The following ATM variants were observed in gnomAD, a reference collection of about 807,000 sequenced individuals.
ATM encodes ATM serine/threonine kinase.
A neutral mutation model predicts 387.0 loss-of-function variants in ATM; 308 were observed. The observed-to-expected ratio is 0.80, with a 90% CI of 0.73 to 0.87. The LOEUF is 0.87. ATM is among the 40% of genes least tolerant of loss of function. The pLI, the probability that ATM is intolerant of heterozygous loss-of-function variation, is 0.00. For synonymous variants in ATM, 1,156 were observed against 1,187.3 expected (o/e 0.97, Z 0.54); for missense variants, 3,312 against 3,560.9 (o/e 0.93, Z 1.78).
At chr11:108,322,591 T>G (rs968797156) in intron 45 of ATM, among the ~76,000 whole-genome samples, 2 of 152,230 alleles carry the variant, frequency 1.3e-5, no homozygotes, top group African/African-American at 4.8e-5. Context: ...CCAGGGATTT[T>G]GGAAGATGAA....
intron 33 of ATM, among the ~76,000 whole-genome samples, chr11:108,298,749 A>G (rs1591697747): frequency 6.6e-6 from 1 of 152,358 alleles, no homozygotes; most frequent in East Asian, 1.9e-4. Context: ...AAGTAAAACT[A>G]TCTGTATTTA....
At chr11:108,301,921 G>A in intron 35 of ATM, 132 bp downstream of exon 35, 1 of 1,040,654 alleles carries the variant, frequency 9.6e-7, no homozygotes, top group Non-Finnish European at 1.4e-6. Context: ...AGTAATTTAA[G>A]CCATATTTCA....
chr11:108,359,747 A>C (rs1045293123), intron 61 of ATM, among the ~76,000 whole-genome samples: 1 of 152,134 alleles, frequency 6.6e-6, no homozygotes, highest in African/African-American at 2.4e-5. Context: ...TTTGAAACCA[A>C]CGAGAACAAA....
chr11:108,316,753 CAAA>C lies in ATM; in HGVS notation c.6199-599_6199-597del, dbSNP rs58165074. ...TGAAACCCCGTCTCTACTAAAAATA[CAAA>C]AAAAAAAAAAAAAAAAAAAATTAGC... On this transcript the variant is annotated intron_variant, in intron 42 of 62. Coordinates refer to ENST00000675843, the MANE Select transcript of ATM (RefSeq NM_000051.4). Among the ~76,000 whole-genome samples, 3 of 72,424 alleles carry C rather than the reference CAAA, an allele frequency of 4.1e-5. No individual in the cohort carries two copies. The South Asian group carries it at 1.8e-3, about 43-fold the overall frequency. The allele number at this position is 72,424 out of a possible 152,430, so 47.5% of individuals were successfully genotyped here. A position where few individuals can be genotyped will look rare whatever the true frequency, so the allele number is the denominator to read the frequency against.
chr11:108,279,281 T>C (rs1362716709), intron 22 of ATM, among the ~76,000 whole-genome samples: 1 of 152,124 alleles, frequency 6.6e-6, no homozygotes, highest in Non-Finnish European at 1.5e-5. Flanking sequence ...TAGGAGAAAA[T>C]AGATTTTGTA....
chr11:108,286,836 TC>T (rs1332744925), intron 26 of ATM, among the ~76,000 whole-genome samples: 1 of 152,226 alleles, frequency 6.6e-6, no homozygotes. Flanking sequence ...TTTTTGAACT[TC>T]CTTATGCATT....
At chr11:108,296,954 C>G in intron 32 of ATM, 1 of 324,012 alleles carries the variant, frequency 3.1e-6, no homozygotes, top group East Asian at 7.9e-5. Context: ...GTTAAAAAGC[C>G]AAGCAGGCTC....
At position 108,339,976 on chromosome 11, in the gene ATM, G is replaced by A. The variant is rs564046867; in HGVS notation, c.8269-3246G>A. On this transcript the variant is annotated intron_variant, in intron 56 of 62. Coordinates refer to ENST00000675843, the MANE Select transcript of ATM (RefSeq NM_000051.4). The stretch of plus-strand genomic sequence containing the variant: ...AATGTGAATTTATATACCTACGTTG[G>A]GTTAGATACTCTACTGAGTGCTAGG... 6.6e-5 allele frequency among the ~76,000 whole-genome samples: 10 copies of A among 152,166 alleles called. No homozygotes were observed. The South Asian group carries it at 2.1e-3, about 32-fold the overall frequency.
At chr11:108,250,497 A>G (rs187987704) in intron 9 of ATM, among the ~76,000 whole-genome samples, 13 of 152,276 alleles carry the variant, frequency 8.5e-5, no homozygotes, top group Admixed American at 7.2e-4. Context: ...CAGCTTACCC[A>G]GCTAGCCAAA....
rs115650466 is a variant in ATM at position 108,269,114 on chromosome 11, C to T, written c.2838+505C>T. Reference sequence around the variant, plus strand: ...TCTCTGAACCATTTTGAGATGAAATCGCACACGTGATGCTCCTTATACTTC... The same window carrying T: ...TCTCTGAACCATTTTGAGATGAAATTGCACACGTGATGCTCCTTATACTTC... On this transcript the variant is annotated intron_variant, in intron 18 of 62. Coordinates refer to ENST00000675843, the MANE Select transcript of ATM (RefSeq NM_000051.4). Among the ~76,000 whole-genome samples, 799 of 152,240 alleles carry T rather than the reference C, an allele frequency of 5.2e-3. 8 individuals are homozygous for T. The highest frequency in any genetic ancestry group is 0.018 in the African/African-American group (763 of 41,556).
intron 26 of ATM, among the ~76,000 whole-genome samples, chr11:108,285,119 C>T (rs1206308696): frequency 2.0e-5 from 3 of 152,004 alleles, no homozygotes; most frequent in African/African-American, 7.3e-5. Context: ...ACCACCACAC[C>T]CAGCTAATTT....
At chr11:108,316,814 T>C (rs1323682319) in intron 42 of ATM, among the ~76,000 whole-genome samples, 2 of 148,782 alleles carry the variant, frequency 1.3e-5, no homozygotes, top group East Asian at 4.0e-4. Context: ...TAGGCCCAGC[T>C]ACTTGGGAGG....
At chr11:108,258,491 C>G (rs1003728557) in intron 15 of ATM, among the ~76,000 whole-genome samples, 1 of 152,176 alleles carries the variant, frequency 6.6e-6, no homozygotes, top group African/African-American at 2.4e-5. Context: ...TTCTTTTGCT[C>G]AGATCACCTT....
At chr11:108,343,148 C>CT in intron 56 of ATM, 74 bp from the exon 57 acceptor site, 1 of 1,581,396 alleles carries the variant, frequency 6.3e-7, no homozygotes, top group Non-Finnish European at 8.7e-7. Flanking sequence ...TGCACTGACT[C>CT]TGATAGCTGA....
At chr11:108,356,909 G>A (rs1158416427) in intron 61 of ATM, among the ~76,000 whole-genome samples, 1 of 152,134 alleles carries the variant, frequency 6.6e-6, no homozygotes, top group East Asian at 1.9e-4. Flanking sequence ...TACAATAACT[G>A]TCACCTTTAA....
intron 44 of ATM, 60 bp from the exon 45 acceptor site, chr11:108,321,241 A>G (rs1591106506): frequency 6.2e-7 from 1 of 1,605,326 alleles, no homozygotes; most frequent in South Asian, 1.1e-5. Flanking sequence ...AAATTTAAAC[A>G]TTTATTTCCC....
chr11:108,239,703 A>G (rs2079464820), intron 5 of ATM, among the ~76,000 whole-genome samples: 1 of 152,158 alleles, frequency 6.6e-6, no homozygotes, highest in Admixed American at 6.5e-5. Context: ...TTAATTTTTT[A>G]AGGAACCAAC....
At chr11:108,241,748 T>C (rs1311884309) in intron 5 of ATM, among the ~76,000 whole-genome samples, 8 of 132,802 alleles carry the variant, frequency 6.0e-5, no homozygotes, top group African/African-American at 2.3e-4. Flanking sequence ...CTTTCTTTTT[T>C]TTTTTTTTTT....
chr11:108,263,698 T>G (rs982404887), intron 16 of ATM, among the ~76,000 whole-genome samples: 5 of 147,864 alleles, frequency 3.4e-5, no homozygotes, highest in Non-Finnish European at 7.5e-5. Context: ...AGGAGCTGGT[T>G]TTTTGAAAGG....
Sources: allele counts gnomAD v4.1 joint callset (sites outside exome capture counted in the v4.1 genomes callset), GRCh38; gene constraint gnomAD v4.1.1; transcripts MANE v1.5; gene names NCBI Gene and HGNC (gene_info 2026-07-23, HGNC 2026-07-21).